The following KAZN variants were observed in gnomAD, a reference collection of about 807,000 sequenced individuals.
The protein encoded by KAZN is kazrin.
Under a neutral mutation model 87.4 loss-of-function variants are expected in KAZN, and 40 were observed. The observed-to-expected ratio is 0.46, with a 90% CI of 0.36 to 0.60. The LOEUF (loss-of-function observed/expected upper bound fraction) is 0.60. Among genes scored for constraint, KAZN ranks in the 20% least tolerant of loss-of-function variants. The pLI is 0.00. For missense variants in KAZN, 898 were observed against 1,073.9 expected (o/e 0.84, Z 2.29); for synonymous variants, 466 against 458.3 (o/e 1.02, Z -0.22).
chr1:14,470,465 A>G (rs1668394809), intron 2 of KAZN, among the ~76,000 whole-genome samples: 2 of 152,192 alleles, frequency 1.3e-5, no homozygotes, highest in Non-Finnish European at 2.9e-5. Flanking sequence ...CAAATCCACC[A>G]TTTGACAGTC....
At chr1:14,864,484 C>G (rs1482053724) in intron 1 of KAZN, among the ~76,000 whole-genome samples, 1 of 152,156 alleles carries the variant, frequency 6.6e-6, no homozygotes, top group Middle Eastern at 3.2e-3. Flanking sequence ...ATCACTTGAA[C>G]CCGGGAGGTG....
chr1:14,639,868 G>A lies in KAZN; in HGVS notation c.226+40645G>A, dbSNP rs548796939. ...GCCTGCAGGGCTCCTCGTCTCCATC[G>A]AGCAGCTGTGAACCTCGCCGACTCC... is the stretch of plus-strand genomic sequence containing the variant. On this transcript the variant is annotated intron_variant, in intron 1 of 14. Coordinates refer to ENST00000376030, the MANE Select transcript of KAZN (RefSeq NM_201628.3). Among the ~76,000 whole-genome samples the A allele has an allele frequency of 8.5e-5, 13 of 152,204 alleles. No individual in the cohort carries two copies. In the East Asian group the frequency reaches 2.3e-3, roughly 27 times the overall value.
intron 1 of KAZN, among the ~76,000 whole-genome samples, chr1:13,896,604 A>T (rs933516638): frequency 9.2e-5 from 14 of 152,144 alleles, no homozygotes; most frequent in African/African-American, 2.9e-4. Context: ...TGTAATTTTT[A>T]AAAATCCTAC....
At chr1:13,932,587 C>T (rs1640569364) in intron 1 of KAZN, among the ~76,000 whole-genome samples, 1 of 152,168 alleles carries the variant, frequency 6.6e-6, no homozygotes, top group Non-Finnish European at 1.5e-5. Flanking sequence ...TCCAGGAATT[C>T]TCATAACATC....
At chr1:14,016,796 C>T (rs1350058344) in intron 1 of KAZN, among the ~76,000 whole-genome samples, 1 of 152,134 alleles carries the variant, frequency 6.6e-6, no homozygotes, top group Non-Finnish European at 1.5e-5. Flanking sequence ...CTACAGTTTC[C>T]ATGAAGATCC....
intron 2 of KAZN, among the ~76,000 whole-genome samples, chr1:15,032,488 A>G (rs1486410409): frequency 6.6e-6 from 1 of 151,450 alleles, no homozygotes; most frequent in East Asian, 2.0e-4. Context: ...CACCGCGCCC[A>G]GCTGTGGACA....
At chr1:14,510,550 A>T (rs1270671439) in intron 2 of KAZN, among the ~76,000 whole-genome samples, 1 of 152,186 alleles carries the variant, frequency 6.6e-6, no homozygotes, top group African/African-American at 2.4e-5. Context: ...TTATTTGCTA[A>T]ATCTGGCAAT....
In KAZN at chr1:14,142,888, C is replaced by T. The variant is rs753711885; in HGVS notation, c.92-37547C>T. Reference sequence around the variant, plus strand: ...GCCGCTCTGGCTGTGTTTTCATGCCCTTGGTGAGATGGGCCCAACTGTCTT... The same window carrying T: ...GCCGCTCTGGCTGTGTTTTCATGCCTTTGGTGAGATGGGCCCAACTGTCTT... On this transcript the variant is annotated intron_variant, in intron 1 of 16. Coordinates refer to the KAZN transcript ENST00000636203. 5.9e-5 allele frequency among the ~76,000 whole-genome samples: 9 copies of T among 152,308 alleles called. No homozygotes were observed. In the East Asian group the frequency reaches 1.7e-3, roughly 29 times the overall value.
chr1:15,024,545 C>T lies in KAZN; in HGVS notation c.419-10204C>T, dbSNP rs1253812813. ...GCTGAGAAAAATTCAATAGAGGGCACATGCCAAGTGCAAAGAACTCAGATG... is the reference window on the plus strand; with the variant it reads ...GCTGAGAAAAATTCAATAGAGGGCATATGCCAAGTGCAAAGAACTCAGATG... On this transcript the variant is annotated intron_variant, in intron 2 of 14. Coordinates refer to ENST00000376030, the MANE Select transcript of KAZN (RefSeq NM_201628.3). Among the ~76,000 whole-genome samples, 4 of 152,340 alleles carry T rather than the reference C, an allele frequency of 2.6e-5. No individual in the cohort carries two copies. In the South Asian group the frequency reaches 8.3e-4, roughly 32 times the overall value.
chr1:14,632,637 G>C (rs1419224527), intron 1 of KAZN, among the ~76,000 whole-genome samples: 1 of 150,342 alleles, frequency 6.7e-6, no homozygotes, highest in Non-Finnish European at 1.5e-5. Context: ...AAAGGCTACA[G>C]GTAATCATCT....
chr1:14,905,051 A>G (rs1423134514), intron 1 of KAZN, among the ~76,000 whole-genome samples: 1 of 151,336 alleles, frequency 6.6e-6, no homozygotes, highest in East Asian at 2.0e-4. Flanking sequence ...GTGAGCCACC[A>G]TGCCCAGCCT....
intron 2 of KAZN, among the ~76,000 whole-genome samples, chr1:14,414,087 C>T (rs1357535915): frequency 2.0e-5 from 3 of 152,122 alleles, no homozygotes; most frequent in Non-Finnish European, 4.4e-5. Context: ...ACATGCTTTG[C>T]ACTAGATGGG....
intron 1 of KAZN, among the ~76,000 whole-genome samples, chr1:14,837,667 C>A (rs1199857057): frequency 6.6e-6 from 1 of 151,766 alleles, no homozygotes; most frequent in South Asian, 2.1e-4. Flanking sequence ...ATCCTCCCAC[C>A]TCAGCCTCCT....
At chr1:14,909,854 A>C (rs138623394) in intron 1 of KAZN, among the ~76,000 whole-genome samples, 102 of 152,206 alleles carry the variant, frequency 6.7e-4, no homozygotes, top group South Asian at 3.3e-3. Context: ...GGAGTTCGAG[A>C]TCAGCGTGGG....
chr1:13,893,519 A>G, exon 1 of KAZN: 1 of 1,344,738 alleles, frequency 7.4e-7, no homozygotes, highest in Non-Finnish European at 9.9e-7. Context: ...AAGAAACACT[A>G]TAAACTTTGG....
intron 1 of KAZN, among the ~76,000 whole-genome samples, chr1:13,930,992 C>A (rs145287524): frequency 1.2e-3 from 185 of 152,288 alleles, no homozygotes; most frequent in African/African-American, 4.2e-3. Context: ...CCTACCACCC[C>A]TGACCCCTAC....
intron 2 of KAZN, among the ~76,000 whole-genome samples, chr1:14,524,167 A>ACG (rs1671741887): frequency 1.3e-5 from 2 of 151,982 alleles, no homozygotes; most frequent in Non-Finnish European, 2.9e-5. Context: ...GATTACAGGC[A>ACG]TGCACCACCA....
chr1:15,056,180 G>A lies in KAZN; in HGVS notation c.816G>A (p.Gln272=). The A allele has an allele frequency of 2.5e-6, 4 of 1,614,210 alleles. No homozygotes were observed. The highest frequency in any genetic ancestry group is 3.4e-6 in the Non-Finnish European group (4 of 1,180,040). ...GCGAGACGGTGCTCAATGGCAACCAGGAGTGGGTGGTGCAGGCGGACCTCC... is the reference window on the plus strand; with the variant it reads ...GCGAGACGGTGCTCAATGGCAACCAAGAGTGGGTGGTGCAGGCGGACCTCC... ...MPGETVLNGN[Q]EWVVQADLPL... The change falls in exon 5 of 15, where the codon CAG becomes CAA. Residue 272 remains glutamine, a synonymous_variant. Transcript: ENST00000376030. The surrounding 1 kb of genome is among the most constrained non-coding windows in gnomAD (Gnocchi z 5.4).
chr1:14,075,012 CT>C (rs1420499809), intron 1 of KAZN, among the ~76,000 whole-genome samples: 1 of 151,988 alleles, frequency 6.6e-6, no homozygotes, highest in Admixed American at 6.6e-5. Flanking sequence ...AGATCTACGA[CT>C]TATTTCTTAT....
Sources: gnomAD v4.1 joint callset for allele counts (sites outside exome capture counted in the v4.1 genomes callset) on GRCh38, gnomAD v4.1.1 for gene constraint, Gnocchi (gnomAD v3.1) non-coding constraint, MANE v1.5 for transcripts, NCBI Gene and HGNC (gene_info 2026-07-23, HGNC 2026-07-21) for gene names.